The following ACBD6 variants were observed in gnomAD, a reference collection of about 807,000 sequenced individuals.
ACBD6 encodes acyl-CoA binding domain containing 6.
A neutral mutation model predicts 37.2 loss-of-function variants in ACBD6; 28 were observed. The ratio of observed to expected loss-of-function variants is 0.75; its 90% CI spans 0.56 to 1.03. The LOEUF (loss-of-function observed/expected upper bound fraction) is 1.03. Ranked by LOEUF, ACBD6 falls within the 50% of genes least tolerant of loss-of-function variation. The probability of loss-of-function intolerance (pLI) is 0.00; values close to 1 mark genes in which losing one functional copy is unlikely to be tolerated. For synonymous variants in ACBD6, 113 were observed against 126.8 expected (o/e 0.89, Z 0.73); for missense variants, 340 against 337.4 (o/e 1.01, Z -0.06).
chr1:180,342,335 C>A (rs546359185), intron 6 of ACBD6, among the ~76,000 whole-genome samples: 1 of 152,104 alleles, frequency 6.6e-6, no homozygotes, highest in South Asian at 2.1e-4. Flanking sequence ...TGTTTGTATG[C>A]GTCTAAGCAC....
intron 3 of ACBD6, among the ~76,000 whole-genome samples, chr1:180,438,714 T>A (rs1031528921): frequency 3.9e-5 from 6 of 152,218 alleles, no homozygotes; most frequent in Non-Finnish European, 8.8e-5. Context: ...ACATCTTGCA[T>A]TGAGTGGCAC....
chr1:180,441,422 CT>C (rs1456777150), intron 3 of ACBD6, among the ~76,000 whole-genome samples: 2 of 152,086 alleles, frequency 1.3e-5, no homozygotes, highest in African/African-American at 2.4e-5. Flanking sequence ...AATACTTTGA[CT>C]ATTTGGGGCC....
At chr1:180,280,326 T>C (rs755991977) in intron 9 of ACBD6, among the ~76,000 whole-genome samples, 4 of 151,582 alleles carry the variant, frequency 2.6e-5, no homozygotes, top group African/African-American at 4.8e-5. Flanking sequence ...CTCTCCCCCT[T>C]TGTTTTTTCT....
intron 6 of ACBD6, among the ~76,000 whole-genome samples, chr1:180,384,422 C>T (rs1026867804): frequency 6.6e-6 from 1 of 152,072 alleles, no homozygotes; most frequent in African/African-American, 2.4e-5. Flanking sequence ...CATCACTAAT[C>T]ATCAGGGAAA....
chr1:180,288,817 T>TA lies in ACBD6; in HGVS notation c.695-301dup, dbSNP rs148533269. Among the ~76,000 whole-genome samples, 684 of 152,230 alleles carry TA rather than the reference T, an allele frequency of 4.5e-3. 6 individuals are homozygous for TA. Among genetic ancestry groups the TA allele is most frequent in the African/African-American group, 0.016 (658 of 41,546 alleles). ...TTAAGAATGGGATTAAGGAAAGGAATAAAAAATAGTATTTAAGTATCTATT... is the reference window on the plus strand; with the variant it reads ...TTAAGAATGGGATTAAGGAAAGGAATAAAAAAATAGTATTTAAGTATCTATT... On this transcript the variant is annotated intron_variant, in intron 7 of 7. Transcript: ENST00000367595.
chr1:180,418,963 T>C (rs901961620), intron 4 of ACBD6, among the ~76,000 whole-genome samples: 3 of 152,212 alleles, frequency 2.0e-5, no homozygotes, highest in Admixed American at 2.0e-4. Flanking sequence ...CTTAAAATCA[T>C]TCTTGAGGCC....
At chr1:180,278,853 C>T (rs1352997258) in intron 9 of ACBD6, 3 of 151,986 alleles carry the variant, frequency 2.0e-5, no homozygotes, top group African/African-American at 7.3e-5. Context: ...AAAAAAGACC[C>T]ACCCATCCTT....
intron 7 of ACBD6, among the ~76,000 whole-genome samples, chr1:180,301,281 G>A (rs1307736507): frequency 6.6e-6 from 1 of 152,138 alleles, no homozygotes; most frequent in Non-Finnish European, 1.5e-5. Flanking sequence ...GGGGTTAGGT[G>A]TGCCAACTCC....
At chr1:180,476,140 A>T (rs1571559156) in intron 3 of ACBD6, among the ~76,000 whole-genome samples, 2 of 152,362 alleles carry the variant, frequency 1.3e-5, no homozygotes, top group South Asian at 4.1e-4. Flanking sequence ...CAATGAAAAG[A>T]CTAGAAGTTT....
intron 3 of ACBD6, among the ~76,000 whole-genome samples, chr1:180,467,868 T>C (rs1650411629): frequency 6.6e-6 from 1 of 152,228 alleles, no homozygotes; most frequent in Non-Finnish European, 1.5e-5. Flanking sequence ...AATGCTACAT[T>C]GTAAACATGT....
chr1:180,495,532 G>A lies in ACBD6; in HGVS notation c.223-7C>T, dbSNP rs767304492. The A allele has an allele frequency of 3.7e-6, 6 of 1,604,672 alleles. No homozygotes were observed. The highest frequency in any genetic ancestry group is 5.1e-6 in the Non-Finnish European group (6 of 1,172,408). ...TACAATTTCCAACTTTGACCTAAAT[G>A]AGGGAAGGAAAATCAAGAACTTATT... On this transcript the variant is annotated splice_region_variant and splice_polypyrimidine_tract_variant and intron_variant, in intron 1 of 7. Coordinates refer to ENST00000367595, the MANE Select transcript of ACBD6 (RefSeq NM_032360.4).
chr1:180,390,247 T>C (rs1194523458), intron 6 of ACBD6, among the ~76,000 whole-genome samples: 1 of 151,522 alleles, frequency 6.6e-6, no homozygotes, highest in African/African-American at 2.4e-5. Flanking sequence ...CAGCACCATT[T>C]ATTAAATAGG....
chr1:180,392,757 A>G (rs538987408), intron 6 of ACBD6, among the ~76,000 whole-genome samples: 6 of 151,682 alleles, frequency 4.0e-5, no homozygotes, highest in African/African-American at 1.4e-4. Flanking sequence ...ATTGCTTTAT[A>G]CTTTTCTCAT....
At chr1:180,391,831 T>C (rs1654087481) in intron 6 of ACBD6, among the ~76,000 whole-genome samples, 1 of 152,096 alleles carries the variant, frequency 6.6e-6, no homozygotes, top group Non-Finnish European at 1.5e-5. Flanking sequence ...AAAATATATG[T>C]GTATATGTCT....
chr1:180,368,017 A>G (rs190047889), intron 6 of ACBD6, among the ~76,000 whole-genome samples: 2 of 152,316 alleles, frequency 1.3e-5, no homozygotes, highest in Non-Finnish European at 2.9e-5. Context: ...AACAGTGAAT[A>G]CATGTTCCCT....
intron 6 of ACBD6, among the ~76,000 whole-genome samples, chr1:180,377,554 A>G (rs1653480230): frequency 6.6e-6 from 1 of 152,226 alleles, no homozygotes; most frequent in Admixed American, 6.5e-5. Context: ...GAGGGTTCCA[A>G]TTAGTAAATG....
intron 3 of ACBD6, among the ~76,000 whole-genome samples, chr1:180,452,999 T>A (rs905880531): frequency 2.6e-5 from 4 of 152,100 alleles, no homozygotes; most frequent in African/African-American, 7.2e-5. Context: ...AAAGAGGAGC[T>A]CATACCACTC....
At chr1:180,474,491 G>A (rs1650706657) in intron 3 of ACBD6, among the ~76,000 whole-genome samples, 2 of 152,034 alleles carry the variant, frequency 1.3e-5, no homozygotes, top group Non-Finnish European at 2.9e-5. Flanking sequence ...ATGTCATGTG[G>A]AGAAAATAAT....
At chr1:180,326,245 T>A (rs1651255421) in intron 6 of ACBD6, among the ~76,000 whole-genome samples, 2 of 152,228 alleles carry the variant, frequency 1.3e-5, no homozygotes, top group East Asian at 3.9e-4. Context: ...ATAAGACAAG[T>A]CAGTCCTTCC....
Sources: allele counts gnomAD v4.1 joint callset (sites outside exome capture counted in the v4.1 genomes callset), GRCh38; gene constraint gnomAD v4.1.1; transcripts MANE v1.5; gene names NCBI Gene and HGNC (gene_info 2026-07-23, HGNC 2026-07-21).